Variants in PNRC1 observed in about 807,000 individuals in gnomAD.
PNRC1 encodes proline-rich nuclear receptor coactivator 1.
In PNRC1, 6 loss-of-function variants were observed where a neutral mutation model predicts 20.2. The ratio of observed to expected loss-of-function variants is 0.30; its 90% CI spans 0.16 to 0.59. The LOEUF is 0.59. PNRC1 is among the 20% of genes least tolerant of loss of function. The probability of loss-of-function intolerance (pLI) is 0.89; values close to 1 mark genes in which losing one functional copy is unlikely to be tolerated. For synonymous variants in PNRC1, 202 were observed against 186.9 expected (o/e 1.08, Z -0.66); for missense variants, 488 against 430.2 (o/e 1.13, Z -1.19).
chr6:89,083,597 C>T (rs952718492), intron 1 of PNRC1, among the ~76,000 whole-genome samples, 156 bp from the exon 2 acceptor site: 1 of 152,110 alleles, frequency 6.6e-6, no homozygotes, highest in South Asian at 2.1e-4. Flanking sequence ...GGGTAATGGC[C>T]CCCAGCTACA....
chr6:89,081,023 C>T lies in PNRC1; in HGVS notation c.129C>T (p.Pro43=), dbSNP rs145119263. 221 of 1,612,008 alleles carry T rather than the reference C, an allele frequency of 1.4e-4. No homozygotes were observed. The highest frequency in any genetic ancestry group is 1.3e-3 in the Middle Eastern group (8 of 6,062). The part of the protein sequence containing the change: ...PMVTTAPPPL[P]RIPDPRALPP... ...TGACCACGGCTCCGCCTCCTTTACC[C>T]CGGATCCCGGACCCCCGGGCACTGC... is the stretch of plus-strand genomic sequence containing the variant. Residue 43 remains proline, a synonymous_variant, in exon 1 of 2, where the codon CCC becomes CCT. Transcript: ENST00000336032.
rs1022229783 is a variant in PNRC1, at chr6:89,084,872, T to A, written c.*676T>A. 2.6e-5 allele frequency: 4 copies of A among 152,230 alleles called. No homozygotes were observed. The East Asian group carries it at 5.8e-4, about 22-fold the overall frequency. 9.4% of individuals were successfully genotyped at this position (152,230 alleles called of 1,614,324 possible). ...ACTCTTTGTGTGTGACTGTTTCTCA[T>A]GTTTGAATGTGTGACTAGGAGATGA... is the stretch of plus-strand genomic sequence containing the variant. On this transcript the variant is annotated 3_prime_UTR_variant, in exon 2 of 2. Transcript: ENST00000336032.
intron 1 of PNRC1, among the ~76,000 whole-genome samples, chr6:89,083,051 T>C (rs1768038541): frequency 6.6e-6 from 1 of 151,836 alleles, no homozygotes; most frequent in Admixed American, 6.6e-5. Flanking sequence ...CACTCCAGGC[T>C]GGAATGCAGT....
At position 89,084,142 on chromosome 6, in the gene PNRC1, A is replaced by G; in HGVS notation, c.930A>G (p.Gln310=). ...GAAGCACTGTTGAAAATTCCAACCA[A>G]AACAGGGAGCTGATGGCAGTACACT... The part of the protein sequence containing the change: ...WMGSTVENSN[Q]NRELMAVHLK... The change falls in exon 2 of 2, where the codon CAA becomes CAG. Residue 310 remains glutamine, a synonymous_variant. Transcript: ENST00000336032. 6.2e-7 allele frequency: 1 copy of G among 1,609,424 alleles called. No individual in the cohort carries two copies. Among genetic ancestry groups the G allele is most frequent in the Non-Finnish European group, 8.5e-7 (1 of 1,178,768 alleles).
intron 1 of PNRC1, chr6:89,082,430 C>G (rs1768022910): frequency 6.6e-6 from 1 of 152,198 alleles, no homozygotes; most frequent in African/African-American, 2.4e-5. Context: ...AAAAAATTTG[C>G]CCACCTTGTT....
At position 89,081,214 on chromosome 6, in the gene PNRC1, C is replaced by G. The variant is rs755200385; in HGVS notation, c.320C>G (p.Ala107Gly). 11 of 1,558,576 alleles carry G rather than the reference C, an allele frequency of 7.1e-6. No homozygotes were observed. The highest frequency in any genetic ancestry group is 2.7e-5 in the African/African-American group (2 of 73,706). The change falls in exon 1 of 2, where the codon GCA (alanine) becomes GGA (glycine). Residue 107 changes from alanine (A) to glycine (G), a missense_variant. Physicochemically the swap from Ala to Gly is moderately conservative, Grantham distance 60 (BLOSUM62 0). Transcript: ENST00000336032. ...RRKKKVRASP[A>G]GQLPSRFHQY... The stretch of plus-strand genomic sequence containing the variant: ...AAGAAGAAGGTGCGGGCCAGCCCCG[C>G]AGGGCAGCTGCCCAGCCGCTTCCAC...
At chr6:89,082,133 G>A (rs1768016661) in intron 1 of PNRC1, 1 of 152,272 alleles carries the variant, frequency 6.6e-6, no homozygotes, top group Non-Finnish European at 1.5e-5. Context: ...TATTACTTTT[G>A]CCACTGTGGT....
At chr6:89,083,652 G>A in intron 1 of PNRC1, 101 bp from the exon 2 acceptor site, 1 of 855,300 alleles carries the variant, frequency 1.2e-6, no homozygotes, top group Non-Finnish European at 1.8e-6. Flanking sequence ...TTCTATGGCT[G>A]TGGGCAAACT....
Position 89,080,765 on chromosome 6 carries a change from A to C in PNRC1, c.-130A>C. The C allele has an allele frequency of 1.2e-6, 1 of 868,544 alleles. No homozygotes were observed. Among genetic ancestry groups the C allele is most frequent in the Non-Finnish European group, 1.8e-6 (1 of 551,032 alleles). The allele number at this position is 868,544 out of a possible 1,614,324, so 53.8% of individuals were successfully genotyped here. The stretch of plus-strand genomic sequence containing the variant: ...TGTGGCTATTTGTTGCTGCGCCGCC[A>C]CCGCCCGAGTCATGTTCCGCGATCT... On this transcript the variant is annotated 5_prime_UTR_variant, in exon 1 of 2. Coordinates refer to ENST00000336032, the MANE Select transcript of PNRC1 (RefSeq NM_006813.3).
rs1768050838 is a variant in PNRC1 at position 89,083,630 on chromosome 6, A to G, written c.541-123A>G. ...ACATACGTGTTGTCACAAAGAACAT[A>G]ATTTTGTTCTTTTCTATGGCTGTGG... is the stretch of plus-strand genomic sequence containing the variant. On this transcript the variant is annotated intron_variant, in intron 1 of 1. Coordinates refer to ENST00000336032, the MANE Select transcript of PNRC1 (RefSeq NM_006813.3). 5 of 680,226 alleles carry G rather than the reference A, an allele frequency of 7.4e-6. No individual in the cohort carries two copies. The Admixed American group carries it at 1.3e-4, about 18-fold the overall frequency. 42.1% of individuals were successfully genotyped at this position (680,226 alleles called of 1,614,324 possible). A position where few individuals can be genotyped will look rare whatever the true frequency, so the allele number is the denominator to read the frequency against.
rs1040268187 is a variant in PNRC1, at chr6:89,081,377, C to A, written c.483C>A (p.Ser161Arg). The A allele has an allele frequency of 4.4e-5, 62 of 1,403,426 alleles. No individual in the cohort carries two copies. The highest frequency in any genetic ancestry group is 5.2e-5 in the Non-Finnish European group (57 of 1,089,404). 86.9% of individuals were successfully genotyped at this position (1,403,426 alleles called of 1,614,324 possible). A position where few individuals can be genotyped will look rare whatever the true frequency, so the allele number is the denominator to read the frequency against. The change falls in exon 1 of 2, where the codon AGC becomes AGA. Residue 161 changes from serine to arginine, a missense_variant. Transcript: ENST00000336032. ...CCGCAGCCGGCACGGAGGGAGCCAG[C>A]CCCGACCTTGCCCCGCTGCGGCCCG... is the stretch of plus-strand genomic sequence containing the variant. ...PAAAAGTEGA[S>R]PDLAPLRPAA...
At chr6:89,083,208 G>A (rs1436542175) in intron 1 of PNRC1, among the ~76,000 whole-genome samples, 1 of 152,210 alleles carries the variant, frequency 6.6e-6, no homozygotes, top group Non-Finnish European at 1.5e-5. Context: ...TGCCCAGGCT[G>A]GTCTCGAACT....
In PNRC1 at chr6:89,081,502, A is replaced by G. The variant is rs563368758; in HGVS notation, c.540+68A>G. The G allele has an allele frequency of 1.0e-3, 399 of 390,800 alleles. 3 individuals are homozygous for G. The highest frequency in any genetic ancestry group is 9.7e-3 in the African/African-American group (372 of 38,360). 24.2% of individuals were successfully genotyped at this position (390,800 alleles called of 1,614,324 possible). A position where few individuals can be genotyped will look rare whatever the true frequency, so the allele number is the denominator to read the frequency against. Reference sequence around the variant, plus strand: ...GGTCGCGGCCGAGCTCTGGGGCTGCAGACCCTGCACCCGGGGGGTCGGGCG... The same window carrying G: ...GGTCGCGGCCGAGCTCTGGGGCTGCGGACCCTGCACCCGGGGGGTCGGGCG... On this transcript the variant is annotated intron_variant, in intron 1 of 1. Transcript: ENST00000336032.
At position 89,083,852 on chromosome 6, in the gene PNRC1, C is replaced by G. The variant is rs1372104114; in HGVS notation, c.640C>G (p.Gln214Glu). 1 of 1,613,966 alleles carries G rather than the reference C, an allele frequency of 6.2e-7. No homozygotes were observed. Among genetic ancestry groups the G allele is most frequent in the Non-Finnish European group, 8.5e-7 (1 of 1,179,962 alleles). The change falls in exon 2 of 2, where the codon CAG becomes GAG. Residue 214 changes from glutamine (Q) to glutamate (E), a missense_variant. Coordinates refer to ENST00000336032, the MANE Select transcript of PNRC1 (RefSeq NM_006813.3). ...HLYEQPKINR[Q>E]KSKYNLPLTK... ...GTATGAGCAACCAAAGATAAACAGA[C>G]AGAAAAGCAAATATAACTTGCCACT...
intron 1 of PNRC1, 146 bp downstream of exon 1, chr6:89,081,580 G>A (rs1348077198): frequency 4.5e-6 from 2 of 442,288 alleles, no homozygotes; most frequent in African/African-American, 2.1e-5. Context: ...AAGTTTCCGT[G>A]ACGCCCGCTC....
In PNRC1 at chr6:89,081,100, C is replaced by A. The variant is rs370396619; in HGVS notation, c.206C>A (p.Thr69Asn). The A allele has an allele frequency of 3.5e-5, 57 of 1,608,068 alleles. No individual in the cohort carries two copies. The highest frequency in any genetic ancestry group is 4.2e-5 in the Non-Finnish European group (49 of 1,179,014). Residue 69 changes from threonine (T) to asparagine (N), a missense_variant, in exon 1 of 2, where the codon ACC (threonine) becomes AAC (asparagine). By Grantham distance (65) the Thr-to-Asn change is moderately conservative (BLOSUM62 0). Transcript: ENST00000336032. ...CTAGGGGGAGATGGCCCGTGTCTGA[C>A]CCCCCAGCCTCGCGCTCCAGCAGCT... is the stretch of plus-strand genomic sequence containing the variant. ...HFLGGDGPCL[T>N]PQPRAPAALP...
chr6:89,083,685 G>A, intron 1 of PNRC1, 68 bp from the exon 2 acceptor site: 1 of 1,151,864 alleles, frequency 8.7e-7, no homozygotes, highest in Non-Finnish European at 1.2e-6. Context: ...AACTAGATAT[G>A]TGATATGAGG....
Position 89,081,054 on chromosome 6 carries a change from A to G in PNRC1, c.160A>G (p.Thr54Ala). 8 of 1,610,572 alleles carry G rather than the reference A, an allele frequency of 5.0e-6. No homozygotes were observed. Among genetic ancestry groups the G allele is most frequent in the Non-Finnish European group, 6.8e-6 (8 of 1,179,720 alleles). Residue 54 changes from threonine to alanine, a missense_variant, in exon 1 of 2, where the codon ACC becomes GCC. Transcript: ENST00000336032. ...RIPDPRALPP[T>A]LFLPHFLGGD... ...CCCGGACCCCCGGGCACTGCCCCCG[A>G]CCCTCTTCCTCCCTCATTTCCTAGG...
Position 89,084,289 on chromosome 6 carries a change from G to A in PNRC1, c.*93G>A. ...TACAGAAATGGAAATTTGCCTTGTT[G>A]CAACATACAATTGCAAAAGATGAGT... On this transcript the variant is annotated 3_prime_UTR_variant, in exon 2 of 2. Coordinates refer to ENST00000336032, the MANE Select transcript of PNRC1 (RefSeq NM_006813.3). The A allele has an allele frequency of 1.3e-6, 1 of 783,642 alleles. No individual in the cohort carries two copies. Among genetic ancestry groups the A allele is most frequent in the Non-Finnish European group, 2.0e-6 (1 of 496,578 alleles). The allele number at this position is 783,642 out of a possible 1,614,324, so 48.5% of individuals were successfully genotyped here. A position where few individuals can be genotyped will look rare whatever the true frequency, so the allele number is the denominator to read the frequency against.
Sources: gnomAD v4.1 joint callset for allele counts (sites outside exome capture counted in the v4.1 genomes callset) on GRCh38, gnomAD v4.1.1 for gene constraint, MANE v1.5 for transcripts, NCBI Gene and HGNC (gene_info 2026-07-23, HGNC 2026-07-21) for gene names.